The following CCDC69 variants were observed in gnomAD, a reference collection of about 807,000 sequenced individuals.
CCDC69 encodes the protein coiled-coil domain-containing protein 69.
In CCDC69, 38 loss-of-function variants were observed where a neutral mutation model predicts 40.3. The observed-to-expected ratio is 0.94, with a 90% CI of 0.73 to 1.24. The LOEUF (loss-of-function observed/expected upper bound fraction) is 1.24, where lower values mean the gene tolerates loss of function less well. Ranked by LOEUF, CCDC69 falls within the 50% of genes most tolerant of loss-of-function variation. CCDC69 has a pLI of 0.00. For missense variants in CCDC69, 389 were observed against 357.9 expected, an observed-to-expected ratio of 1.09 and a Z score of -0.70; for synonymous variants, 141 against 138.9, an observed-to-expected ratio of 1.02 and a Z score of -0.11.
At chr5:151,184,474 C>A in intron 7 of CCDC69, 33 bp from the exon 8 acceptor site, 1 of 1,407,232 alleles carries the variant, frequency 7.1e-7, no homozygotes, top group Non-Finnish European at 1.0e-6. Context: ...AGAAAGCTGC[C>A]AAACTCACGC....
intron 4 of CCDC69, among the ~76,000 whole-genome samples, chr5:151,197,509 C>T (rs990836026): frequency 2.0e-5 from 3 of 151,862 alleles, no homozygotes; most frequent in Non-Finnish European, 2.9e-5. Flanking sequence ...GGCAACAGAG[C>T]GAGACCCTGT....
chr5:151,214,105 T>C (rs1237774176), intron 1 of CCDC69, among the ~76,000 whole-genome samples: 1 of 152,236 alleles, frequency 6.6e-6, no homozygotes. Context: ...GACTCACAGC[T>C]GAGGCTAGAG....
intron 4 of CCDC69, among the ~76,000 whole-genome samples, chr5:151,192,974 C>G (rs1364709968): frequency 6.6e-6 from 1 of 152,048 alleles, no homozygotes; most frequent in Non-Finnish European, 1.5e-5. Flanking sequence ...AATAAAAATA[C>G]AGTCTAACAA....
rs1461734081 is a variant in CCDC69, at chr5:151,224,027, T to G, written c.-57A>C. The G allele has an allele frequency of 6.9e-7, 1 of 1,457,442 alleles. No homozygotes were observed. The highest frequency in any genetic ancestry group is 2.6e-5 in the Admixed American group (1 of 38,526). The allele number at this position is 1,457,442 out of a possible 1,614,324, so 90.3% of individuals were successfully genotyped here. A position where few individuals can be genotyped will look rare whatever the true frequency, so the allele number is the denominator to read the frequency against. The stretch of plus-strand genomic sequence containing the variant: ...CAACTCCGGGGCCCCCAGAGGAGCC[T>G]GCGATCCGGGCCCCGCTGCCCGCTC... On this transcript the variant is annotated 5_prime_UTR_variant, in exon 1 of 9. Transcript: ENST00000355417.
intron 4 of CCDC69, among the ~76,000 whole-genome samples, chr5:151,194,412 T>TA (rs1005398716): frequency 2.2e-4 from 33 of 152,212 alleles, no homozygotes; most frequent in African/African-American, 7.7e-4. Context: ...GAAGCCAATA[T>TA]AAAAAATCAT....
intron 2 of CCDC69, among the ~76,000 whole-genome samples, chr5:151,203,636 A>C (rs1752807779): frequency 7.0e-6 from 1 of 142,088 alleles, no homozygotes; most frequent in Non-Finnish European, 1.5e-5. Context: ...ATATGTACTA[A>C]ATATGCAGCT....
intron 4 of CCDC69, among the ~76,000 whole-genome samples, chr5:151,198,406 C>A (rs1352794409): frequency 2.0e-5 from 3 of 151,942 alleles, no homozygotes; most frequent in Non-Finnish European, 4.4e-5. Context: ...ATAGTGACAG[C>A]ATCTTGCTAT....
chr5:151,189,715 G>A (rs1752580718), intron 4 of CCDC69, among the ~76,000 whole-genome samples: 1 of 152,154 alleles, frequency 6.6e-6, no homozygotes, highest in Non-Finnish European at 1.5e-5. Flanking sequence ...TAATGACACA[G>A]AAAAGGTGTA....
At chr5:151,213,244 A>C (rs1752978615) in intron 1 of CCDC69, among the ~76,000 whole-genome samples, 1 of 151,750 alleles carries the variant, frequency 6.6e-6, no homozygotes, top group Non-Finnish European at 1.5e-5. Context: ...CCCTCAAATT[A>C]TTTTTTATTT....
chr5:151,223,880 C>A (rs753805013), intron 1 of CCDC69, 43 bp downstream of exon 1: 31 of 1,582,718 alleles, frequency 2.0e-5, no homozygotes, highest in Admixed American at 3.5e-5. Flanking sequence ...ATTCCGCACT[C>A]CCCTCTCCTC....
chr5:151,203,495 G>A (rs77736172), intron 2 of CCDC69, among the ~76,000 whole-genome samples: 1 of 148,702 alleles, frequency 6.7e-6, no homozygotes, highest in Admixed American at 6.8e-5. Flanking sequence ...GGCAACAAGA[G>A]TGAAACTCCG....
chr5:151,221,777 C>A (rs1347468194), intron 1 of CCDC69, among the ~76,000 whole-genome samples: 1 of 152,252 alleles, frequency 6.6e-6, no homozygotes, highest in Non-Finnish European at 1.5e-5. Context: ...CAGAACCTAA[C>A]CCCTCTGTAG....
In CCDC69 at chr5:151,183,155, C is replaced by G. The variant is rs1766668196; in HGVS notation, c.*282G>C. ...TGCCCCTGGGAAAGCCTCGGAACTT[C>G]TCGGATTGGGACAGAGTGCTGGGGC... On this transcript the variant is annotated 3_prime_UTR_variant, in exon 9 of 9. Transcript: ENST00000355417. 1.7e-6 allele frequency: 1 copy of G among 586,726 alleles called. No homozygotes were observed. The highest frequency in any genetic ancestry group is 2.2e-5 in the Admixed American group (1 of 46,330). The allele number at this position is 586,726 out of a possible 1,614,324, so 36.3% of individuals were successfully genotyped here.
intron 4 of CCDC69, 103 bp from the exon 5 acceptor site, chr5:151,187,562 T>C (rs142856376): frequency 0.013 from 11,300 of 888,748 alleles, 137 homozygotes; most frequent in African/African-American, 0.046. Context: ...CTGGGGCCCA[T>C]AGAGGCCAGG....
In CCDC69 at chr5:151,215,767, CA is replaced by C. The variant is rs1336531602; in HGVS notation, c.48+8155del. 1.9e-5 allele frequency: 5 copies of C among 264,516 alleles called. No homozygotes were observed. In the East Asian group the frequency reaches 5.4e-4, roughly 29 times the overall value. The allele number at this position is 264,516 out of a possible 1,614,324, so 16.4% of individuals were successfully genotyped here. On this transcript the variant is annotated intron_variant, in intron 1 of 8. Transcript: ENST00000355417. ...CCTAATTCTACAGTAGCACTGTGAA[CA>C]GAAATAAGTACCCATTAGTGAGGAC...
chr5:151,204,137 C>T (rs967840684), intron 2 of CCDC69, among the ~76,000 whole-genome samples: 23 of 151,776 alleles, frequency 1.5e-4, no homozygotes, highest in Non-Finnish European at 2.9e-4. Context: ...TCAGGTGATC[C>T]TCCCTCTTCA....
intron 4 of CCDC69, among the ~76,000 whole-genome samples, chr5:151,198,196 T>C (rs1467226013): frequency 6.6e-6 from 1 of 152,124 alleles, no homozygotes; most frequent in Non-Finnish European, 1.5e-5. Context: ...AAACAACCTA[T>C]TAGGGAGGTA....
chr5:151,186,942 G>A (rs1258240589), intron 5 of CCDC69, among the ~76,000 whole-genome samples: 2 of 152,106 alleles, frequency 1.3e-5, no homozygotes, highest in Admixed American at 1.3e-4. Context: ...TGAACACATT[G>A]CTTTTTTTCT....
At chr5:151,219,499 C>G (rs77581683) in intron 1 of CCDC69, among the ~76,000 whole-genome samples, 3 of 152,042 alleles carry the variant, frequency 2.0e-5, no homozygotes, top group Non-Finnish European at 4.4e-5. Context: ...AAATAAGCCA[C>G]GGAACAGCCA....
Sources: gnomAD v4.1 joint callset for allele counts (sites outside exome capture counted in the v4.1 genomes callset) on GRCh38, gnomAD v4.1.1 for gene constraint, MANE v1.5 for transcripts, NCBI Gene and HGNC (gene_info 2026-07-23, HGNC 2026-07-21) for gene names.